SV2C: variants seen among roughly 807,000 people sequenced by gnomAD.
The protein encoded by SV2C is synaptic vesicle glycoprotein 2C.
In SV2C, 49 loss-of-function variants were observed where a neutral mutation model predicts 79.7. The ratio of observed to expected loss-of-function variants is 0.61; its 90% CI spans 0.49 to 0.78. SV2C has a LOEUF of 0.78. SV2C is among the 30% of genes least tolerant of loss of function. SV2C has a pLI of 0.00. For missense variants in SV2C, 833 were observed against 912.9 expected, an observed-to-expected ratio of 0.91 and a Z score of 1.13; for synonymous variants, 334 against 333.2, an observed-to-expected ratio of 1.00 and a Z score of -0.03.
At chr5:75,883,539 G>C in the SV2C span, among the ~76,000 whole-genome samples, 8 of 147,272 alleles carry the variant, frequency 5.4e-5, no homozygotes, top group East Asian at 5.9e-4. Context: ...CCTTTGTAGG[G>C]ACATGGATGA....
chr5:76,183,134 T>C (rs1743804764), intron 2 of SV2C, among the ~76,000 whole-genome samples: 1 of 148,550 alleles, frequency 6.7e-6, no homozygotes, highest in South Asian at 2.1e-4. Flanking sequence ...CCTCCCAGGT[T>C]CAAGCAAGCC....
rs200796843 is a variant in SV2C, at chr5:76,162,202, GATA to G, written c.580+29875_580+29877del. Among the ~76,000 whole-genome samples, 6 of 152,300 alleles carry G rather than the reference GATA, an allele frequency of 3.9e-5. No homozygotes were observed. In the East Asian group the frequency reaches 1.2e-3, roughly 29 times the overall value. ...ATGGTGATGGGAGGGGATCTTGTCA[GATA>G]ATGATATTCTTGAGGTTGAAGCAAT... On this transcript the variant is annotated intron_variant, in intron 2 of 12. Coordinates refer to ENST00000502798, the MANE Select transcript of SV2C (RefSeq NM_014979.4).
chr5:76,211,469 T>C (rs938247556), intron 4 of SV2C, among the ~76,000 whole-genome samples: 3 of 71,490 alleles, frequency 4.2e-5, no homozygotes, highest in Admixed American at 3.1e-4. Flanking sequence ...GTTGCGTGTG[T>C]GTGTGTGTGT....
chr5:76,116,911 G>A (rs1198296202), intron 1 of SV2C, among the ~76,000 whole-genome samples: 1 of 152,172 alleles, frequency 6.6e-6, no homozygotes, highest in Non-Finnish European at 1.5e-5. Flanking sequence ...GACACTCTGG[G>A]TGCGCTTGCC....
At chr5:76,118,943 A>C (rs1326108406) in intron 1 of SV2C, among the ~76,000 whole-genome samples, 2 of 152,314 alleles carry the variant, frequency 1.3e-5, no homozygotes, top group Non-Finnish European at 2.9e-5. Flanking sequence ...AGATCGTGCC[A>C]CTGTACTCCA....
chr5:75,853,377 A>G, the SV2C span, among the ~76,000 whole-genome samples: 111 of 151,872 alleles, frequency 7.3e-4, no homozygotes, highest in African/African-American at 2.4e-3. Context: ...TAACACGGTG[A>G]AACCCTGTCT....
chr5:75,850,321 G>A, the SV2C span, among the ~76,000 whole-genome samples: 1 of 152,090 alleles, frequency 6.6e-6, no homozygotes, highest in South Asian at 2.1e-4. Context: ...TGATTGGTGT[G>A]ATCATGTTTT....
At chr5:76,110,713 G>A (rs567005650) in intron 1 of SV2C, among the ~76,000 whole-genome samples, 2 of 152,338 alleles carry the variant, frequency 1.3e-5, no homozygotes, top group South Asian at 2.1e-4. Flanking sequence ...TCTGTTGTTC[G>A]CAATTTGTCT....
At chr5:76,205,704 G>T (rs1290269131) in intron 3 of SV2C, among the ~76,000 whole-genome samples, 2 of 152,166 alleles carry the variant, frequency 1.3e-5, no homozygotes, top group East Asian at 3.8e-4. Flanking sequence ...AAAGATATTT[G>T]TGTCTTATAT....
At chr5:75,910,585 G>C in the SV2C span, 4 of 711,978 alleles carry the variant, frequency 5.6e-6, no homozygotes, top group South Asian at 5.8e-5. Flanking sequence ...AGATTGAGGA[G>C]AGAATTGCCA....
the SV2C span, among the ~76,000 whole-genome samples, chr5:75,875,492 A>G: frequency 1.3e-5 from 2 of 152,208 alleles, no homozygotes; most frequent in Non-Finnish European, 2.9e-5. Flanking sequence ...AAGACAACCT[A>G]GGCAATACTA....
At chr5:76,032,493 C>T in the SV2C span, among the ~76,000 whole-genome samples, 12 of 151,952 alleles carry the variant, frequency 7.9e-5, no homozygotes, top group South Asian at 2.1e-4. Flanking sequence ...TGAGAATATG[C>T]GGTGTTGGGT....
the SV2C span, chr5:75,910,685 G>A: frequency 6.3e-6 from 8 of 1,263,642 alleles, no homozygotes; most frequent in Non-Finnish European, 8.0e-6. Flanking sequence ...GGCCAAGACT[G>A]CCAAGGCAGA....
chr5:76,338,872 G>T (rs565859979), downstream of SV2C, among the ~76,000 whole-genome samples: 2 of 152,074 alleles, frequency 1.3e-5, no homozygotes, highest in South Asian at 4.2e-4. Flanking sequence ...GGTCAGGCTG[G>T]TCTTGAACTC....
the SV2C span, among the ~76,000 whole-genome samples, chr5:75,935,458 G>A: frequency 2.0e-5 from 3 of 152,094 alleles, no homozygotes; most frequent in South Asian, 2.1e-4. Context: ...ATAGTCACAC[G>A]CACAGTGATT....
chr5:76,061,787 T>C, the SV2C span, among the ~76,000 whole-genome samples: 1 of 152,266 alleles, frequency 6.6e-6, no homozygotes, highest in African/African-American at 2.4e-5. Context: ...ATAAACTTTA[T>C]GCTACTGTGT....
chr5:75,899,357 T>G, the SV2C span, among the ~76,000 whole-genome samples: 6 of 152,202 alleles, frequency 3.9e-5, no homozygotes, highest in East Asian at 9.6e-4. Context: ...AGATTGTTCA[T>G]TTTCCATGTA....
rs146111219 is a variant in SV2C, at chr5:76,169,513, A to C, written c.581-25406A>C. On this transcript the variant is annotated intron_variant, in intron 2 of 12. Transcript: ENST00000502798. ...AGGATTTTGTTTCTAAAGCCGACAG[A>C]ACTACTGGATCAAAGAAGATAGCAT... Among the ~76,000 whole-genome samples the C allele has an allele frequency of 5.3e-5, 8 of 152,344 alleles. No individual in the cohort carries two copies. The East Asian group carries it at 1.5e-3, about 29-fold the overall frequency.
chr5:76,215,590 G>A (rs375095450), intron 4 of SV2C, among the ~76,000 whole-genome samples: 16 of 152,140 alleles, frequency 1.1e-4, no homozygotes, highest in Non-Finnish European at 1.6e-4. Flanking sequence ...TGAAATCTGC[G>A]TTGTATAAAT....
Sources: allele counts gnomAD v4.1 joint callset (sites outside exome capture counted in the v4.1 genomes callset), GRCh38; gene constraint gnomAD v4.1.1; transcripts MANE v1.5; gene names NCBI Gene and HGNC (gene_info 2026-07-23, HGNC 2026-07-21).